COL11A1: variants seen among roughly 807,000 people sequenced by gnomAD.
COL11A1 encodes collagen alpha-1(XI) chain.
In COL11A1, 74 loss-of-function variants were observed where a neutral mutation model predicts 265.2. The observed-to-expected ratio is 0.28, with a 90% confidence interval of 0.23 to 0.34. The LOEUF (loss-of-function observed/expected upper bound fraction) is 0.34. Among genes scored for constraint, COL11A1 ranks in the 10% least tolerant of loss-of-function variants. The pLI, the probability that COL11A1 is intolerant of heterozygous loss-of-function variation, is 1.00. For synonymous variants in COL11A1, 816 were observed against 727.6 expected (o/e 1.12, Z -1.96); for missense variants, 2,165 against 2,263.6 (o/e 0.96, Z 0.88).
chr1:102,970,833 C>T (rs1441597399), intron 36 of COL11A1, among the ~76,000 whole-genome samples: 1 of 151,812 alleles, frequency 6.6e-6, no homozygotes, highest in African/African-American at 2.4e-5. Flanking sequence ...GACCAACATG[C>T]TGAAACCCCG....
intron 66 of COL11A1, among the ~76,000 whole-genome samples, chr1:102,878,577 C>T (rs1389083272): frequency 2.8e-5 from 4 of 141,510 alleles, no homozygotes; most frequent in Non-Finnish European, 6.1e-5. Context: ...GAGCAGTGAT[C>T]TCAGCTCACT....
At chr1:103,017,903 T>C in intron 10 of COL11A1, 21 bp from the exon 11 acceptor site, 2 of 1,579,350 alleles carry the variant, frequency 1.3e-6, no homozygotes, top group Non-Finnish European at 1.7e-6. Flanking sequence ...ACACACCATA[T>C]CTTAATCAGA....
At chr1:103,077,777 G>A (rs1402888291) in intron 3 of COL11A1, among the ~76,000 whole-genome samples, 1 of 151,964 alleles carries the variant, frequency 6.6e-6, no homozygotes, top group Non-Finnish European at 1.5e-5. Flanking sequence ...TTCAGAATTC[G>A]ACATGATTTG....
At chr1:103,084,294 A>G (rs1288329922) in intron 1 of COL11A1, among the ~76,000 whole-genome samples, 1 of 152,106 alleles carries the variant, frequency 6.6e-6, no homozygotes, top group Non-Finnish European at 1.5e-5. Flanking sequence ...TTCTGTCTCT[A>G]GTTACTCATT....
Position 102,877,826 on chromosome 1 carries a change from A to G in COL11A1, c.*193T>C, listed in dbSNP as rs1050739364. 16 of 560,658 alleles carry G rather than the reference A, an allele frequency of 2.9e-5. No individual in the cohort carries two copies. Among genetic ancestry groups the G allele is most frequent in the African/African-American group, 1.9e-4 (10 of 52,818 alleles). The allele number at this position is 560,658 out of a possible 1,614,324, so 34.7% of individuals were successfully genotyped here. A position where few individuals can be genotyped will look rare whatever the true frequency, so the allele number is the denominator to read the frequency against. Reference sequence around the variant, plus strand: ...GTTTCCATCTTAGCCACACCAACTTATATCTTTATGATTTTCAAAGCTTTT... The same window carrying G: ...GTTTCCATCTTAGCCACACCAACTTGTATCTTTATGATTTTCAAAGCTTTT... On this transcript the variant is annotated 3_prime_UTR_variant, in exon 67 of 67. Coordinates refer to ENST00000370096, the MANE Select transcript of COL11A1 (RefSeq NM_001854.4).
At chr1:102,926,419 C>CT (rs1656607009) in intron 46 of COL11A1, among the ~76,000 whole-genome samples, 1 of 152,100 alleles carries the variant, frequency 6.6e-6, no homozygotes, top group South Asian at 2.1e-4. Context: ...TGACAGTAAA[C>CT]ATCAAATTGA....
chr1:103,002,894 A>G (rs1185631567), intron 21 of COL11A1, 103 bp from the exon 22 acceptor site: 7 of 1,083,454 alleles, frequency 6.5e-6, no homozygotes, highest in Non-Finnish European at 1.4e-6. Context: ...ACCCTAAGCA[A>G]CTAAAAATCA....
intron 12 of COL11A1, 41 bp downstream of exon 12, chr1:103,015,627 C>G: frequency 7.0e-7 from 1 of 1,421,714 alleles, no homozygotes; most frequent in Non-Finnish European, 9.8e-7. Flanking sequence ...AAAAAGATGA[C>G]AAGATATCAA....
At chr1:103,023,419 G>A (rs750356327) in intron 7 of COL11A1, among the ~76,000 whole-genome samples, 14 of 149,984 alleles carry the variant, frequency 9.3e-5, no homozygotes, top group Non-Finnish European at 1.3e-4. Flanking sequence ...GTGCAAGGGC[G>A]CAATCTTGGT....
chr1:102,888,423 A>G (rs1651286283), intron 62 of COL11A1, among the ~76,000 whole-genome samples, 154 bp downstream of exon 62: 1 of 152,232 alleles, frequency 6.6e-6, no homozygotes, highest in Non-Finnish European at 1.5e-5. Flanking sequence ...AAGTCTTGGC[A>G]TGTAGATTTG....
chr1:102,888,506 A>G, intron 62 of COL11A1, 71 bp downstream of exon 62: 1 of 1,414,872 alleles, frequency 7.1e-7, no homozygotes, highest in Non-Finnish European at 1.0e-6. Flanking sequence ...CTATCTTATA[A>G]GTTCAGAGAA....
In COL11A1 at chr1:102,952,621, A is replaced by G. The variant is rs72683282; in HGVS notation, c.3169-5665T>C. Among the ~76,000 whole-genome samples, 1,433 of 152,334 alleles carry G rather than the reference A, an allele frequency of 9.4e-3. 11 individuals carry two copies. Among genetic ancestry groups the G allele is most frequent in the South Asian group, 0.019 (90 of 4,830 alleles). On this transcript the variant is annotated intron_variant, in intron 41 of 66. Transcript: ENST00000370096. ...AAACAAGAGAAGACTTTTGGAATGT[A>G]TATCCATGCCCTAAAGTACAACTGC...
At chr1:102,984,052 A>C in intron 31 of COL11A1, 86 bp downstream of exon 31, 1 of 949,094 alleles carries the variant, frequency 1.1e-6, no homozygotes, top group Non-Finnish European at 1.7e-6. Context: ...GATAATATAG[A>C]GATGTTACAA....
At chr1:103,017,513 C>G (rs566363675) in intron 11 of COL11A1, among the ~76,000 whole-genome samples, 1 of 152,162 alleles carries the variant, frequency 6.6e-6, no homozygotes, top group South Asian at 2.1e-4. Context: ...ATGGAAATAT[C>G]TGGAAAATAT....
At chr1:102,934,687 A>T in intron 45 of COL11A1, 131 bp from the exon 46 acceptor site, 1 of 740,166 alleles carries the variant, frequency 1.4e-6, no homozygotes, top group Non-Finnish European at 2.4e-6. Context: ...AAGTAGACTG[A>T]ATGCCCATTA....
At chr1:103,040,182 C>T (rs1290657535) in intron 4 of COL11A1, among the ~76,000 whole-genome samples, 1 of 151,614 alleles carries the variant, frequency 6.6e-6, no homozygotes. Context: ...ATATTGTAAT[C>T]CTACTTCATG....
chr1:102,927,393 C>A (rs1396828073), intron 46 of COL11A1, among the ~76,000 whole-genome samples: 2 of 152,106 alleles, frequency 1.3e-5, no homozygotes, highest in East Asian at 1.9e-4. Flanking sequence ...TTATAGGAAG[C>A]AGTGAACATC....
chr1:102,935,993 C>T (rs1230395419), intron 44 of COL11A1, among the ~76,000 whole-genome samples: 1 of 152,038 alleles, frequency 6.6e-6, no homozygotes, highest in African/African-American at 2.4e-5. Flanking sequence ...TAACTTAGCG[C>T]TTATCATGTT....
At chr1:103,102,414 T>C (rs913161622) in intron 1 of COL11A1, among the ~76,000 whole-genome samples, 10 of 152,022 alleles carry the variant, frequency 6.6e-5, no homozygotes, top group African/African-American at 2.4e-4. Flanking sequence ...CGTTTATCTC[T>C]CTTCTTTGCT....
Sources: gnomAD v4.1 joint callset for allele counts (sites outside exome capture counted in the v4.1 genomes callset) on GRCh38, gnomAD v4.1.1 for gene constraint, MANE v1.5 for transcripts, NCBI Gene and HGNC (gene_info 2026-07-23, HGNC 2026-07-21) for gene names.